Variants in SHISA6 observed in about 807,000 individuals in gnomAD.
SHISA6 encodes the protein protein shisa-6.
A neutral mutation model predicts 47.9 loss-of-function variants in SHISA6; 22 were observed. The ratio of observed to expected loss-of-function variants is 0.46; its 90% CI spans 0.33 to 0.66. The LOEUF (loss-of-function observed/expected upper bound fraction) is 0.66, where lower values mean the gene tolerates loss of function less well. SHISA6 is among the 30% of genes least tolerant of loss of function. The probability of loss-of-function intolerance (pLI) is 0.02; values close to 1 mark genes in which losing one functional copy is unlikely to be tolerated. For synonymous variants in SHISA6, 388 were observed against 337.8 expected, an observed-to-expected ratio of 1.15 and a Z score of -1.63; for missense variants, 680 against 764.6, an observed-to-expected ratio of 0.89 and a Z score of 1.30.
chr17:11,428,332 G>C (rs1016926787), intron 3 of SHISA6, among the ~76,000 whole-genome samples: 2 of 152,310 alleles, frequency 1.3e-5, no homozygotes, highest in African/African-American at 4.8e-5. Context: ...TTATAACGGC[G>C]AAGGCAGAGT....
At chr17:11,375,819 C>CT (rs1373848602) in intron 2 of SHISA6, among the ~76,000 whole-genome samples, 2 of 152,098 alleles carry the variant, frequency 1.3e-5, no homozygotes, top group Non-Finnish European at 2.9e-5. Flanking sequence ...ATCTTTGTTG[C>CT]TTTAGGGAGG....
intron 3 of SHISA6, among the ~76,000 whole-genome samples, chr17:11,524,325 T>G (rs1239736709): frequency 6.6e-6 from 1 of 152,178 alleles, no homozygotes. Flanking sequence ...TTTTCTTCTA[T>G]AGGTTAATAT....
At chr17:11,408,884 A>G (rs1028930125) in intron 3 of SHISA6, among the ~76,000 whole-genome samples, 1 of 152,218 alleles carries the variant, frequency 6.6e-6, no homozygotes, top group African/African-American at 2.4e-5. Context: ...AACTGACTTT[A>G]ATCACCAGGG....
intron 3 of SHISA6, among the ~76,000 whole-genome samples, chr17:11,453,016 A>T (rs1022866089): frequency 1.4e-5 from 2 of 145,274 alleles, no homozygotes; most frequent in African/African-American, 2.6e-5. Flanking sequence ...CTCAATCCGG[A>T]TCCAGGTCTT....
At chr17:11,484,410 T>G (rs1470240595) in intron 3 of SHISA6, among the ~76,000 whole-genome samples, 3 of 152,168 alleles carry the variant, frequency 2.0e-5, no homozygotes, top group Admixed American at 6.5e-5. Context: ...TTTTTGTTGT[T>G]GTTGTTTTGA....
At position 11,560,451 on chromosome 17, in the gene SHISA6, G is replaced by C. The variant is rs552462033; in HGVS notation, c.*2147G>C. The C allele has an allele frequency of 1.3e-3, 194 of 152,590 alleles. 7 individuals carry two copies. The highest frequency in any genetic ancestry group is 0.012 in the Admixed American group (187 of 15,312). The allele number at this position is 152,590 out of a possible 1,614,324, so 9.5% of individuals were successfully genotyped here. ...TGAGGCTAAGAGGGTTGGAAAGGAA[G>C]AAGTGAGTCTGAATAGAGCAGGTGG... On this transcript the variant is annotated 3_prime_UTR_variant, in exon 6 of 6. Transcript: ENST00000441885.
At chr17:11,371,385 C>T (rs540720439) in intron 2 of SHISA6, among the ~76,000 whole-genome samples, 27 of 152,252 alleles carry the variant, frequency 1.8e-4, no homozygotes, top group Non-Finnish European at 1.2e-4. Context: ...CTCCCTTTTC[C>T]CTTGACTCTT....
At chr17:11,533,193 A>C (rs2071752108) in intron 3 of SHISA6, among the ~76,000 whole-genome samples, 1 of 152,070 alleles carries the variant, frequency 6.6e-6, no homozygotes, top group Admixed American at 6.6e-5. Context: ...CAAACACCAT[A>C]AGTTATGGAG....
intron 3 of SHISA6, among the ~76,000 whole-genome samples, chr17:11,456,570 T>A (rs1345023679): frequency 2.0e-5 from 3 of 152,198 alleles, no homozygotes; most frequent in Non-Finnish European, 2.9e-5. Flanking sequence ...TTTTCACACA[T>A]TTTGTTTTGT....
At chr17:11,504,280 T>C (rs977818523) in intron 3 of SHISA6, among the ~76,000 whole-genome samples, 6 of 152,138 alleles carry the variant, frequency 3.9e-5, no homozygotes, top group Non-Finnish European at 5.9e-5. Context: ...AAACAGCTCT[T>C]AGTGGACTGT....
At chr17:11,311,081 T>C (rs1479284982) in intron 2 of SHISA6, among the ~76,000 whole-genome samples, 2 of 122,774 alleles carry the variant, frequency 1.6e-5, no homozygotes, top group Non-Finnish European at 3.1e-5. Flanking sequence ...TACTCCAGCC[T>C]GGGTGACTGA....
intron 3 of SHISA6, among the ~76,000 whole-genome samples, chr17:11,548,591 T>C (rs963989046): frequency 6.6e-6 from 1 of 152,132 alleles, no homozygotes; most frequent in Non-Finnish European, 1.5e-5. Context: ...CCCTGTCACA[T>C]TGCTAGGCAA....
intron 3 of SHISA6, among the ~76,000 whole-genome samples, chr17:11,489,101 C>T (rs899410675): frequency 3.3e-5 from 5 of 152,128 alleles, no homozygotes; most frequent in Admixed American, 6.5e-5. Context: ...TCCCCTTCAC[C>T]GCAGTCTAGC....
At chr17:11,497,860 T>G (rs1171770520) in intron 3 of SHISA6, among the ~76,000 whole-genome samples, 2 of 152,166 alleles carry the variant, frequency 1.3e-5, no homozygotes, top group Non-Finnish European at 2.9e-5. Context: ...AGCACTCCAT[T>G]TGAGTTGTTA....
At chr17:11,343,005 C>T (rs1461018845) in intron 2 of SHISA6, among the ~76,000 whole-genome samples, 2 of 152,092 alleles carry the variant, frequency 1.3e-5, no homozygotes, top group Admixed American at 6.6e-5. Context: ...CCAGTGCATG[C>T]GGCAGAAAGT....
intron 2 of SHISA6, among the ~76,000 whole-genome samples, chr17:11,287,761 AG>A (rs1395528112): frequency 1.2e-5 from 1 of 84,058 alleles, no homozygotes; most frequent in Non-Finnish European, 2.5e-5. Context: ...GGAAGTGGGG[AG>A]GGAAGGAAAG....
intron 2 of SHISA6, among the ~76,000 whole-genome samples, chr17:11,366,071 G>T (rs1039357586): frequency 6.6e-6 from 1 of 152,236 alleles, no homozygotes; most frequent in Non-Finnish European, 1.5e-5. Context: ...GCTATAGGGA[G>T]CCAAGGGAAA....
intron 2 of SHISA6, among the ~76,000 whole-genome samples, chr17:11,319,767 T>A (rs1048425210): frequency 7.2e-5 from 11 of 152,240 alleles, no homozygotes; most frequent in Admixed American, 6.5e-5. Flanking sequence ...TTAGCTAACA[T>A]GAAGTGAGAA....
At chr17:11,431,887 G>A (rs1034410313) in intron 3 of SHISA6, among the ~76,000 whole-genome samples, 1 of 152,186 alleles carries the variant, frequency 6.6e-6, no homozygotes, top group African/African-American at 2.4e-5. Flanking sequence ...TGAAGAATTG[G>A]TTCTGTTGCT....
Sources: allele counts gnomAD v4.1 joint callset (sites outside exome capture counted in the v4.1 genomes callset), GRCh38; gene constraint gnomAD v4.1.1; transcripts MANE v1.5; gene names NCBI Gene and HGNC (gene_info 2026-07-23, HGNC 2026-07-21).